The following DUS2 variants were observed in gnomAD, a reference collection of about 807,000 sequenced individuals.
DUS2 encodes tRNA-dihydrouridine(20) synthase [NAD(P)+]-like.
DUS2 carries 52 observed loss-of-function variants against 71.3 expected under a neutral mutation model. The ratio of observed to expected loss-of-function variants is 0.73; its 90% confidence interval spans 0.58 to 0.92. The LOEUF (loss-of-function observed/expected upper bound fraction) is 0.92. Ranked by LOEUF, DUS2 falls within the 40% of genes least tolerant of loss-of-function variation. The pLI is 0.00. For synonymous variants in DUS2, 204 were observed against 227.8 expected (o/e 0.90, Z 0.94); for missense variants, 558 against 622.6 (o/e 0.90, Z 1.10).
chr16:68,037,067 ACT>A (rs1385801222), intron 2 of DUS2, among the ~76,000 whole-genome samples: 1 of 149,426 alleles, frequency 6.7e-6, no homozygotes, highest in Non-Finnish European at 1.5e-5. Context: ...TTTTGCCTAT[ACT>A]CTCTGGCTAG....
chr16:68,066,006 G>A (rs1212522620), intron 8 of DUS2, among the ~76,000 whole-genome samples: 1 of 152,110 alleles, frequency 6.6e-6, no homozygotes, highest in Non-Finnish European at 1.5e-5. Flanking sequence ...TATTTGTCCT[G>A]GCAAAGGCTC....
At chr16:68,047,159 G>A (rs971430256) in intron 3 of DUS2, among the ~76,000 whole-genome samples, 139 of 143,046 alleles carry the variant, frequency 9.7e-4, no homozygotes, top group Non-Finnish European at 4.6e-4. Context: ...GGGTTCAAGC[G>A]ATTCTCCTGC....
chr16:68,049,771 T>C (rs530237052), intron 4 of DUS2, among the ~76,000 whole-genome samples: 1 of 152,290 alleles, frequency 6.6e-6, no homozygotes, highest in Admixed American at 6.5e-5. Flanking sequence ...CTTGCTGGCA[T>C]AGAAATCACC....
At chr16:68,068,848 C>T (rs1241178865) in intron 10 of DUS2, among the ~76,000 whole-genome samples, 1 of 151,406 alleles carries the variant, frequency 6.6e-6, no homozygotes, top group Non-Finnish European at 1.5e-5. Flanking sequence ...AATCCACCCA[C>T]CTTGGCTTCC....
chr16:68,070,940 C>A lies in DUS2; in HGVS notation c.642C>A (p.Asn214Lys). Residue 214 changes from asparagine (N) to lysine (K), a missense_variant and splice_region_variant, in exon 12 of 17, where the codon AAC becomes AAA. Asn to Lys is a moderately conservative substitution (Grantham distance 94). Coordinates refer to ENST00000565263, the MANE Select transcript of DUS2 (RefSeq NM_017803.5). ...CCCTAACCCTCTGGTTGCTTTTTAG[C>A]GGAGGATCTCATGACCACATCCAAC... ...ADTLSIPVIA[N>K]GGSHDHIQQY... The A allele has an allele frequency of 1.2e-6, 2 of 1,613,886 alleles. No individual in the cohort carries two copies. Among genetic ancestry groups the A allele is most frequent in the South Asian group, 2.2e-5 (2 of 91,074 alleles).
chr16:68,043,645 AT>A (rs1314124842), intron 3 of DUS2, among the ~76,000 whole-genome samples: 3 of 152,312 alleles, frequency 2.0e-5, no homozygotes, highest in South Asian at 4.1e-4. Context: ...ATTAAAAATT[AT>A]GTTTTTAGAA....
Position 68,078,790 on chromosome 16 carries a change from T to C in DUS2, c.1286T>C (p.Val429Ala). Residue 429 changes from valine (V) to alanine (A), a missense_variant, in exon 17 of 17, where the codon GTC becomes GCC. Val to Ala is a moderately conservative substitution (Grantham distance 64, BLOSUM62 0). Transcript: ENST00000565263. The part of the protein sequence containing the change: ...KKLAEQAAAI[V>A]CLRSQGLPEG... ...CTGGCGGAGCAGGCTGCAGCCATCG[T>C]CTGTCTGCGGAGCCAGGGCCTCCCT... is the stretch of plus-strand genomic sequence containing the variant. 6.2e-7 allele frequency: 1 copy of C among 1,612,390 alleles called. No homozygotes were observed. Among genetic ancestry groups the C allele is most frequent in the Non-Finnish European group, 8.5e-7 (1 of 1,179,180 alleles).
intron 3 of DUS2, among the ~76,000 whole-genome samples, chr16:68,044,977 G>A (rs1598304973): frequency 1.3e-5 from 2 of 151,798 alleles, no homozygotes; most frequent in Non-Finnish European, 2.9e-5. Flanking sequence ...ATTTTTAATA[G>A]AAATGGGGTT....
chr16:68,039,856 A>C (rs2033596108), intron 3 of DUS2, among the ~76,000 whole-genome samples: 1 of 152,130 alleles, frequency 6.6e-6, no homozygotes, highest in Non-Finnish European at 1.5e-5. Context: ...TGAGGAATGA[A>C]TAGCAGATGA....
At chr16:68,054,342 A>G (rs578206965) in intron 5 of DUS2, among the ~76,000 whole-genome samples, 2 of 152,324 alleles carry the variant, frequency 1.3e-5, no homozygotes, top group African/African-American at 4.8e-5. Context: ...CAAGTTTTTT[A>G]TATGTTTGAG....
chr16:68,036,812 C>G (rs2033537038), intron 2 of DUS2, among the ~76,000 whole-genome samples: 1 of 152,154 alleles, frequency 6.6e-6, no homozygotes, highest in Non-Finnish European at 1.5e-5. Flanking sequence ...TGCCTCAGGA[C>G]CTTTGCATTG....
chr16:68,023,651 A>T (rs1165927577), intron 1 of DUS2: 1 of 179,138 alleles, frequency 5.6e-6, no homozygotes, highest in Admixed American at 6.1e-5. Context: ...GTTTGAATGA[A>T]TGATCAGGCC....
At chr16:68,039,345 G>T (rs1205329192) in intron 3 of DUS2, among the ~76,000 whole-genome samples, 2 of 152,034 alleles carry the variant, frequency 1.3e-5, no homozygotes, top group African/African-American at 2.4e-5. Flanking sequence ...TCATGCCTGT[G>T]GGGGGCTAGG....
At chr16:68,047,865 C>T (rs1322627882) in intron 3 of DUS2, among the ~76,000 whole-genome samples, 2 of 151,520 alleles carry the variant, frequency 1.3e-5, no homozygotes, top group African/African-American at 4.9e-5. Flanking sequence ...ACTGCAACCT[C>T]GAGCATCTGG....
chr16:68,068,874 A>G (rs936899445), intron 10 of DUS2, among the ~76,000 whole-genome samples: 4 of 151,478 alleles, frequency 2.6e-5, no homozygotes, highest in Non-Finnish European at 4.4e-5. Flanking sequence ...TGCAGGGATT[A>G]CAGGCGTGAG....
In DUS2 at chr16:68,070,001, T is replaced by G. The variant is rs1175641163; in HGVS notation, c.555-133T>G. 5.5e-6 allele frequency: 4 copies of G among 727,560 alleles called. No individual in the cohort carries two copies. In the African/African-American group the frequency reaches 6.9e-5, roughly 13 times the overall value. The allele number at this position is 727,560 out of a possible 1,614,324, so 45.1% of individuals were successfully genotyped here. A position where few individuals can be genotyped will look rare whatever the true frequency, so the allele number is the denominator to read the frequency against. ...AGAGCCATTTCCTGCCACCTGTCCT[T>G]GATTGCCATATGGCCACCTGACCTT... On this transcript the variant is annotated intron_variant, in intron 10 of 16. Coordinates refer to ENST00000565263, the MANE Select transcript of DUS2 (RefSeq NM_017803.5).
chr16:68,074,724 C>T (rs920471281), intron 13 of DUS2, among the ~76,000 whole-genome samples: 1 of 152,246 alleles, frequency 6.6e-6, no homozygotes, highest in Admixed American at 6.5e-5. Context: ...CTATCTGTAG[C>T]CTCCCTCTTA....
rs571868284 is a variant in DUS2, at chr16:68,078,729, A to G, written c.1245-20A>G. 19 of 1,594,420 alleles carry G rather than the reference A, an allele frequency of 1.2e-5. No individual in the cohort carries two copies. The South Asian group carries it at 1.8e-4, about 15-fold the overall frequency. On this transcript the variant is annotated intron_variant, in intron 16 of 16. Coordinates refer to ENST00000565263, the MANE Select transcript of DUS2 (RefSeq NM_017803.5). ...AGCCCTGCACCCTGCCCCTCACCTT[A>G]TTGCCCTCTGTCTGCTCAGGGACAA...
At position 68,035,907 on chromosome 16, in the gene DUS2, TATATATATATATATATATATATAC is replaced by T. The variant is rs1242292819; in HGVS notation, c.-18-2097_-18-2074del. Among the ~76,000 whole-genome samples, 413 of 55,384 alleles carry T rather than the reference TATATATATATATATATATATATAC, an allele frequency of 7.5e-3. 8 individuals carry two copies. The highest frequency in any genetic ancestry group is 0.017 in the African/African-American group (387 of 22,828). 36.3% of individuals were successfully genotyped at this position (55,384 alleles called of 152,430 possible). A position where few individuals can be genotyped will look rare whatever the true frequency, so the allele number is the denominator to read the frequency against. On this transcript the variant is annotated intron_variant, in intron 2 of 16. Coordinates refer to ENST00000565263, the MANE Select transcript of DUS2 (RefSeq NM_017803.5). ...TTTTATATATATATATATATATATA[TATATATATATATATATATATATAC>T]ACACATACATACACATATATATACA... is the stretch of plus-strand genomic sequence containing the variant.
Sources: allele counts gnomAD v4.1 joint callset (sites outside exome capture counted in the v4.1 genomes callset), GRCh38; gene constraint gnomAD v4.1.1; transcripts MANE v1.5; gene names NCBI Gene and HGNC (gene_info 2026-07-23, HGNC 2026-07-21).